Variants in TNIK observed in about 807,000 individuals in gnomAD.
TNIK encodes the protein TRAF2 and NCK-interacting protein kinase.
In TNIK, 49 loss-of-function variants were observed where a neutral mutation model predicts 191.3. The observed-to-expected ratio is 0.26, with a 90% CI of 0.20 to 0.32. The LOEUF is 0.32. Among genes scored for constraint, TNIK ranks in the 10% least tolerant of loss-of-function variants. The pLI, the probability that TNIK is intolerant of heterozygous loss-of-function variation, is 1.00. For missense variants in TNIK, 1,155 were observed against 1,702.3 expected (o/e 0.68, Z 5.66); for synonymous variants, 594 against 600.9 (o/e 0.99, Z 0.17).
Position 171,175,285 on chromosome 3 carries a change from C to T in TNIK, c.740G>A (p.Arg247Gln). The change falls in exon 9 of 33, where the codon CGG (arginine) becomes CAG (glutamine). Residue 247 changes from arginine (R) to glutamine (Q), a missense_variant. This residue lies in a region of TNIK where 225 missense variants were observed against 438.9 expected (regional missense o/e 0.51). Transcript: ENST00000436636. Reference sequence around the variant, plus strand: ...AGACTTCAGCCGAGGCGCTGGGTTCCGGGGGATGAGGAAGAGAGCTCTCAT... The same window carrying T: ...AGACTTCAGCCGAGGCGCTGGGTTCTGGGGGATGAGGAAGAGAGCTCTCAT... ...HPMRALFLIPRNPAPRLKSKK... is the reference protein window; with the variant it reads ...HPMRALFLIPQNPAPRLKSKK... The T allele has an allele frequency of 4.3e-6, 7 of 1,612,588 alleles. No homozygotes were observed. Among genetic ancestry groups the T allele is most frequent in the Non-Finnish European group, 5.1e-6 (6 of 1,179,492 alleles).
At chr3:171,415,838 AG>A (rs953850804) in intron 1 of TNIK, among the ~76,000 whole-genome samples, 25 of 151,702 alleles carry the variant, frequency 1.6e-4, no homozygotes, top group African/African-American at 5.1e-4. Context: ...AAAATTAGCC[AG>A]GCGTGGTGGC....
chr3:171,098,239 A>G lies in TNIK; in HGVS notation c.2591+3210T>C, dbSNP rs565869393. Among the ~76,000 whole-genome samples, 11 of 152,322 alleles carry G rather than the reference A, an allele frequency of 7.2e-5. No homozygotes were observed. In the South Asian group the frequency reaches 2.1e-3, roughly 29 times the overall value. On this transcript the variant is annotated intron_variant, in intron 22 of 32. Transcript: ENST00000436636. ...TAAGGTTGCCTCTTTGGCTTGCTTG[A>G]TGTGATGCAAATCAAATTAAATGCC...
intron 20 of TNIK, 87 bp downstream of exon 20, chr3:171,107,978 G>A (rs1379650145): frequency 7.5e-7 from 1 of 1,332,322 alleles, no homozygotes; most frequent in South Asian, 1.4e-5. Context: ...ATTTTTGTTT[G>A]CATCATGAGT....
intron 32 of TNIK, among the ~76,000 whole-genome samples, chr3:171,064,206 T>C (rs1384861024): frequency 6.6e-6 from 1 of 152,236 alleles, no homozygotes; most frequent in Non-Finnish European, 1.5e-5. Context: ...CTGAAGGGGC[T>C]ATATCTTCAT....
intron 2 of TNIK, among the ~76,000 whole-genome samples, chr3:171,298,553 G>C (rs953982828): frequency 1.3e-5 from 2 of 152,184 alleles, no homozygotes; most frequent in Non-Finnish European, 2.9e-5. Context: ...AAGTGTAAAA[G>C]AGCTGGCACA....
Position 171,360,804 on chromosome 3 carries a change from C to T in TNIK, c.123+8816G>A, listed in dbSNP as rs538814356. On this transcript the variant is annotated intron_variant, in intron 2 of 32. Coordinates refer to ENST00000436636, the MANE Select transcript of TNIK (RefSeq NM_015028.4). Reference sequence around the variant, plus strand: ...GAGTCACCTTTATATGAAGGCTTTCCTGGTCTTCCCACAGCCCCCACAGAT... The same window carrying T: ...GAGTCACCTTTATATGAAGGCTTTCTTGGTCTTCCCACAGCCCCCACAGAT... Among the ~76,000 whole-genome samples, 6 of 152,330 alleles carry T rather than the reference C, an allele frequency of 3.9e-5. No homozygotes were observed. In the East Asian group the frequency reaches 9.7e-4, roughly 25 times the overall value.
intron 2 of TNIK, among the ~76,000 whole-genome samples, chr3:171,302,130 A>C (rs1231614822): frequency 2.4e-4 from 36 of 152,080 alleles, no homozygotes; most frequent in Admixed American, 2.4e-3. Flanking sequence ...GGGGTGAAAA[A>C]CAGCAGCTGA....
intron 9 of TNIK, among the ~76,000 whole-genome samples, chr3:171,172,542 A>G (rs752814194): frequency 1.3e-5 from 2 of 152,228 alleles, no homozygotes; most frequent in Non-Finnish European, 2.9e-5. Flanking sequence ...AAGTGTTTAA[A>G]TATTTTCACT....
At position 171,071,645 on chromosome 3, in the gene TNIK, C is replaced by T. The variant is rs372654319; in HGVS notation, c.3449-322G>A. Among the ~76,000 whole-genome samples the T allele has an allele frequency of 8.9e-4, 135 of 152,178 alleles. 2 individuals carry two copies. The highest frequency in any genetic ancestry group is 3.1e-3 in the African/African-American group (127 of 41,508). On this transcript the variant is annotated intron_variant, in intron 28 of 32. Coordinates refer to ENST00000436636, the MANE Select transcript of TNIK (RefSeq NM_015028.4). ...TTGTAATAAGAATGTGCATAATTTC[C>T]TTCATGTTAGCTTGCCTGGCTTTTA...
chr3:171,119,761 C>T (rs557464665), intron 18 of TNIK, among the ~76,000 whole-genome samples: 1 of 146,658 alleles, frequency 6.8e-6, no homozygotes, highest in Non-Finnish European at 1.5e-5. Context: ...AACACATGGA[C>T]ACAGTAAGGG....
intron 2 of TNIK, among the ~76,000 whole-genome samples, chr3:171,233,247 C>T (rs965507448): frequency 7.2e-5 from 11 of 152,122 alleles, no homozygotes; most frequent in African/African-American, 2.7e-4. Context: ...GAGTACTCCA[C>T]CTTTGTGTTT....
chr3:171,258,755 C>A (rs111471664), intron 2 of TNIK, among the ~76,000 whole-genome samples: 23 of 152,184 alleles, frequency 1.5e-4, no homozygotes, highest in African/African-American at 5.6e-4. Flanking sequence ...ATTTTTCTTC[C>A]TGTTCACTTG....
intron 1 of TNIK, among the ~76,000 whole-genome samples, chr3:171,430,303 C>T (rs1178215646): frequency 6.6e-6 from 1 of 152,054 alleles, no homozygotes; most frequent in African/African-American, 2.4e-5. Context: ...AAACAAAATG[C>T]CTTTACGCTA....
At chr3:171,177,797 C>T (rs747815566) in intron 7 of TNIK, among the ~76,000 whole-genome samples, 1 of 152,160 alleles carries the variant, frequency 6.6e-6, no homozygotes, top group Non-Finnish European at 1.5e-5. Flanking sequence ...ACAGTCAAAA[C>T]AGTAAACATA....
intron 2 of TNIK, among the ~76,000 whole-genome samples, chr3:171,307,827 AATGTT>A (rs1384962013): frequency 1.3e-5 from 2 of 152,108 alleles, no homozygotes; most frequent in Admixed American, 6.6e-5. Flanking sequence ...ATAATACTAT[AATGTT>A]ATAAGACTTT....
chr3:171,246,747 T>C (rs1403429274), intron 2 of TNIK, among the ~76,000 whole-genome samples: 1 of 152,176 alleles, frequency 6.6e-6, no homozygotes, highest in Non-Finnish European at 1.5e-5. Flanking sequence ...TTTCTCAAAA[T>C]GGAGTTTTCA....
intron 7 of TNIK, among the ~76,000 whole-genome samples, chr3:171,184,193 CCTGT>C (rs1737077853): frequency 6.6e-6 from 1 of 152,024 alleles, no homozygotes; most frequent in African/African-American, 2.4e-5. Flanking sequence ...CTAAACTGGT[CCTGT>C]CTGACTTCAA....
At chr3:171,412,455 A>T (rs1386893917) in intron 1 of TNIK, among the ~76,000 whole-genome samples, 4 of 152,256 alleles carry the variant, frequency 2.6e-5, no homozygotes, top group Non-Finnish European at 5.9e-5. Context: ...TGTTACAGCC[A>T]ACAGAACAAC....
chr3:171,225,084 T>G (rs1233366520), intron 3 of TNIK, among the ~76,000 whole-genome samples: 1 of 152,184 alleles, frequency 6.6e-6, no homozygotes, highest in Non-Finnish European at 1.5e-5. Context: ...TAGCATGTAA[T>G]TAACAAAGAC....
Sources: gnomAD v4.1 joint callset for allele counts (sites outside exome capture counted in the v4.1 genomes callset) on GRCh38, gnomAD v4.1.1 for gene constraint, gnomAD v4.1.1 regional missense constraint, MANE v1.5 for transcripts, NCBI Gene and HGNC (gene_info 2026-07-23, HGNC 2026-07-21) for gene names.